The following BRD4 variants were observed in gnomAD, a reference collection of about 807,000 sequenced individuals.
BRD4 encodes the protein bromodomain-containing protein 4.
Under a neutral mutation model 142.1 loss-of-function variants are expected in BRD4, and 16 were observed. That is an observed-to-expected ratio of 0.11 (90% CI 0.08 to 0.17). The LOEUF (loss-of-function observed/expected upper bound fraction) is 0.17. BRD4 is among the 10% of genes least tolerant of loss of function. The pLI, the probability that BRD4 is intolerant of heterozygous loss-of-function variation, is 1.00. For synonymous variants in BRD4, 833 were observed against 707.5 expected (o/e 1.18, Z -2.82); for missense variants, 1,424 against 1,810.9 (o/e 0.79, Z 3.88).
intron 1 of BRD4, among the ~76,000 whole-genome samples, chr19:15,309,379 T>A (rs114280373): frequency 0.01 from 1,513 of 148,872 alleles, 26 homozygotes; most frequent in African/African-American, 0.036. Context: ...CAATCTCTGG[T>A]AGGTTTAAAA....
At chr19:15,261,530 TTCAAGGATGGGAAATGCAAACA>T (rs2047471521) in intron 7 of BRD4, among the ~76,000 whole-genome samples, 1 of 151,786 alleles carries the variant, frequency 6.6e-6, no homozygotes, top group Admixed American at 6.6e-5. Flanking sequence ...CCTGAACTCC[TTCAAGGATGGGAAATGCAAACA>T]TGAATGATGA....
chr19:15,253,172 G>A, intron 11 of BRD4: 2 of 307,822 alleles, frequency 6.5e-6, no homozygotes, highest in Admixed American at 4.7e-5. Context: ...CCAGCTCACT[G>A]ACAGCTGCAC....
intron 1 of BRD4, among the ~76,000 whole-genome samples, chr19:15,292,722 G>C (rs530895659): frequency 7.8e-5 from 11 of 140,936 alleles, no homozygotes; most frequent in Non-Finnish European, 1.5e-4. Context: ...AGCTTGCAGT[G>C]AGCTGAGATG....
chr19:15,261,777 C>T (rs2047473675), intron 7 of BRD4, among the ~76,000 whole-genome samples: 1 of 152,064 alleles, frequency 6.6e-6, no homozygotes, highest in Non-Finnish European at 1.5e-5. Flanking sequence ...GCCATCTCTA[C>T]CAAAATACAA....
rs755715400 is a variant in BRD4 at position 15,256,959 on chromosome 19, C to T, written c.1551+5G>A. On this transcript the variant is annotated splice_donor_5th_base_variant and intron_variant, in intron 8 of 19. Transcript: ENST00000679869. ...GATTAAGAATGGAGCCACCAATGCCCTCACCTGCTCCTGGAGCTCAGCCAG... is the reference window on the plus strand; with the variant it reads ...GATTAAGAATGGAGCCACCAATGCCTTCACCTGCTCCTGGAGCTCAGCCAG... 4 of 1,561,640 alleles carry T rather than the reference C, an allele frequency of 2.6e-6. No individual in the cohort carries two copies. Among genetic ancestry groups the T allele is most frequent in the Non-Finnish European group, 3.5e-6 (4 of 1,153,524 alleles).
At chr19:15,264,121 G>A (rs2047504745) in intron 6 of BRD4, 2 of 391,000 alleles carry the variant, frequency 5.1e-6, no homozygotes, top group Non-Finnish European at 4.6e-6. Context: ...AAGGTACCTG[G>A]GGCACTGGGC....
At chr19:15,300,240 A>G (rs879809079) in intron 1 of BRD4, among the ~76,000 whole-genome samples, 23 of 152,114 alleles carry the variant, frequency 1.5e-4, no homozygotes, top group Middle Eastern at 3.4e-3. Context: ...CAAGACCCTG[A>G]TCCGATAAAT....
chr19:15,291,269 T>A (rs1351179676), intron 1 of BRD4, among the ~76,000 whole-genome samples: 1 of 152,148 alleles, frequency 6.6e-6, no homozygotes, highest in Non-Finnish European at 1.5e-5. Context: ...TCCCCATCAT[T>A]TGAAATTTTC....
chr19:15,253,734 G>A (rs2145563318), intron 11 of BRD4: 1 of 1,598,466 alleles, frequency 6.3e-7, no homozygotes, highest in Non-Finnish European at 8.5e-7. Flanking sequence ...GCACGTGACT[G>A]TGATACGGGG....
chr19:15,253,273 G>A, intron 11 of BRD4: 1 of 494,776 alleles, frequency 2.0e-6, no homozygotes, highest in East Asian at 3.4e-5. Context: ...GGGCACCATG[G>A]CTCCCTCCCT....
rs11667734 is a variant in BRD4 at position 15,274,646 on chromosome 19, C to T, written c.-34-1513G>A. Among the ~76,000 whole-genome samples, 6 of 152,362 alleles carry T rather than the reference C, an allele frequency of 3.9e-5. No individual in the cohort carries two copies. The East Asian group carries it at 5.8e-4, about 15-fold the overall frequency. On this transcript the variant is annotated intron_variant, in intron 1 of 19. Coordinates refer to ENST00000679869, the MANE Select transcript of BRD4 (RefSeq NM_001379291.1). ...AAGGAAGCAGACCCTATAAATTTTC[C>T]ATTAAGTAATGACATTCTGGAAATC...
At chr19:15,277,723 G>A (rs1185133588) in intron 1 of BRD4, among the ~76,000 whole-genome samples, 1 of 151,936 alleles carries the variant, frequency 6.6e-6, no homozygotes, top group Non-Finnish European at 1.5e-5. Flanking sequence ...CCAGGAGGTG[G>A]AGGTTGCAGT....
chr19:15,291,237 G>A (rs2047779954), intron 1 of BRD4, among the ~76,000 whole-genome samples: 1 of 152,180 alleles, frequency 6.6e-6, no homozygotes, highest in Non-Finnish European at 1.5e-5. Context: ...CCAAACAGCA[G>A]GTGCCTGGGG....
At chr19:15,262,865 TAA>T (rs1300448652) in intron 7 of BRD4, among the ~76,000 whole-genome samples, 1 of 152,172 alleles carries the variant, frequency 6.6e-6, no homozygotes, top group African/African-American at 2.4e-5. Flanking sequence ...TTAAAAAAAT[TAA>T]GTTTACACAT....
chr19:15,329,424 G>A (rs1318653231), intron 1 of BRD4, among the ~76,000 whole-genome samples: 1 of 152,168 alleles, frequency 6.6e-6, no homozygotes, highest in Non-Finnish European at 1.5e-5. Context: ...AAATCACTGA[G>A]GTGCCAAATG....
intron 1 of BRD4, among the ~76,000 whole-genome samples, chr19:15,273,582 C>T (rs1445399706): frequency 6.6e-6 from 1 of 152,212 alleles, no homozygotes; most frequent in African/African-American, 2.4e-5. Flanking sequence ...ACACACAAAG[C>T]ATCGAGCAAA....
chr19:15,256,208 G>A lies in BRD4; in HGVS notation c.1607C>T (p.Pro536Leu). 6.2e-7 allele frequency: 1 copy of A among 1,612,076 alleles called. No homozygotes were observed. The highest frequency in any genetic ancestry group is 8.5e-7 in the Non-Finnish European group (1 of 1,179,700). ...AALSQPQQNK[P>L]KKKEKDKKEK... The stretch of plus-strand genomic sequence containing the variant: ...CTTCTTGTCTTTCTCCTTTTTCTTT[G>A]GTTTGTTCTGCTGGGGCTGAGAGAG... Residue 536 changes from proline to leucine, a missense_variant, in exon 9 of 20, where the codon CCA (proline) becomes CTA (leucine). Physicochemically the swap from Pro to Leu is moderately conservative, Grantham distance 98. This residue lies in a region of BRD4 where 86 missense variants were observed against 78.9 expected (regional missense o/e 1.09). Coordinates refer to ENST00000679869, the MANE Select transcript of BRD4 (RefSeq NM_001379291.1).
intron 1 of BRD4, among the ~76,000 whole-genome samples, chr19:15,313,897 C>A (rs970173125): frequency 1.3e-5 from 2 of 152,142 alleles, no homozygotes; most frequent in Non-Finnish European, 2.9e-5. Context: ...GCACAAGTAA[C>A]TGCTCAATAA....
intron 1 of BRD4, among the ~76,000 whole-genome samples, chr19:15,295,618 T>A (rs921037808): frequency 6.6e-6 from 1 of 152,194 alleles, no homozygotes; most frequent in Non-Finnish European, 1.5e-5. Flanking sequence ...TCCGAACTAA[T>A]GTAATAAGAC....
Sources: allele counts gnomAD v4.1 joint callset (sites outside exome capture counted in the v4.1 genomes callset), GRCh38; gene constraint gnomAD v4.1.1; regional missense constraint gnomAD v4.1.1; transcripts MANE v1.5; gene names NCBI Gene and HGNC (gene_info 2026-07-23, HGNC 2026-07-21).